SUPT3H: variants seen among roughly 807,000 people sequenced by gnomAD.
SUPT3H encodes transcription initiation protein SPT3 homolog.
Under a neutral mutation model 44.3 loss-of-function variants are expected in SUPT3H, and 44 were observed. The observed-to-expected ratio is 0.99, with a 90% CI of 0.78 to 1.28. SUPT3H has a LOEUF of 1.28. Among genes scored for constraint, SUPT3H ranks in the 50% most tolerant of loss-of-function variants. SUPT3H has a pLI of 0.00. For missense variants in SUPT3H, 380 were observed against 387.1 expected, an observed-to-expected ratio of 0.98 and a Z score of 0.15; for synonymous variants, 124 against 125.6, an observed-to-expected ratio of 0.99 and a Z score of 0.09.
intron 10 of SUPT3H, among the ~76,000 whole-genome samples, chr6:44,903,607 T>G (rs1348089934): frequency 6.6e-5 from 10 of 152,220 alleles, no homozygotes; most frequent in Admixed American, 1.3e-4. Context: ...GAGGTACAAG[T>G]AGGAGCTGCT....
intron 10 of SUPT3H, among the ~76,000 whole-genome samples, chr6:44,853,932 G>A (rs926507490): frequency 2.0e-5 from 3 of 151,416 alleles, no homozygotes; most frequent in Non-Finnish European, 4.4e-5. Context: ...TTGAGGGGGA[G>A]GTAAAGAGCT....
intron 2 of SUPT3H, among the ~76,000 whole-genome samples, chr6:45,249,866 A>G (rs567065876): frequency 2.0e-5 from 3 of 152,234 alleles, no homozygotes; most frequent in East Asian, 1.9e-4. Context: ...AGAAAAATCT[A>G]CATACCAATT....
chr6:45,151,026 T>C (rs1806890725), intron 2 of SUPT3H, among the ~76,000 whole-genome samples: 1 of 152,150 alleles, frequency 6.6e-6, no homozygotes, highest in African/African-American at 2.4e-5. Flanking sequence ...CAGCCATCTT[T>C]ATACTGCTTT....
chr6:45,277,689 G>A (rs975700849), intron 2 of SUPT3H, among the ~76,000 whole-genome samples: 3 of 152,196 alleles, frequency 2.0e-5, no homozygotes, highest in African/African-American at 4.8e-5. Flanking sequence ...TTACACACAC[G>A]CAATTCCAAA....
chr6:45,071,965 G>T (rs1172741190), intron 3 of SUPT3H, among the ~76,000 whole-genome samples: 1 of 152,150 alleles, frequency 6.6e-6, no homozygotes, highest in Non-Finnish European at 1.5e-5. Flanking sequence ...TCTCTACAGT[G>T]CCCTGTCATT....
Position 44,855,180 on chromosome 6 carries a change from C to T in SUPT3H, c.913-25323G>A, listed in dbSNP as rs79869194. 6.5e-3 allele frequency among the ~76,000 whole-genome samples: 986 copies of T among 152,246 alleles called. 12 individuals carry two copies. The highest frequency in any genetic ancestry group is 0.022 in the African/African-American group (931 of 41,528). ...ACTTTCTAGAGAGGGTCATATAATACCACACACTTAACTTTGCCCCTCTTC... is the reference window on the plus strand; with the variant it reads ...ACTTTCTAGAGAGGGTCATATAATATCACACACTTAACTTTGCCCCTCTTC... On this transcript the variant is annotated intron_variant, in intron 10 of 10. Coordinates refer to ENST00000371459, the MANE Select transcript of SUPT3H (RefSeq NM_003599.4).
At chr6:45,288,390 CA>C (rs1303532532) in intron 2 of SUPT3H, among the ~76,000 whole-genome samples, 1 of 151,538 alleles carries the variant, frequency 6.6e-6, no homozygotes, top group East Asian at 1.9e-4. Flanking sequence ...TTCTTTAACA[CA>C]AAAAAATCAC....
chr6:45,050,278 A>AGAGTGTGTGTGTGTGTGTGT (rs1554221019), intron 3 of SUPT3H, among the ~76,000 whole-genome samples: 3 of 147,318 alleles, frequency 2.0e-5, no homozygotes, highest in South Asian at 2.2e-4. Context: ...CTTTTTCTGC[A>AGAGTGTGTGTGTGTGTGTGT]GTGTGTGTGT....
At chr6:44,826,210 T>G (rs1173205802), downstream of SUPT3H, among the ~76,000 whole-genome samples, 1 of 152,206 alleles carries the variant, frequency 6.6e-6, no homozygotes, top group Non-Finnish European at 1.5e-5. Flanking sequence ...AAAGTTTTGT[T>G]GTTTAAGCTT....
At chr6:45,333,298 C>T (rs1471809966) in intron 2 of SUPT3H, among the ~76,000 whole-genome samples, 1 of 151,542 alleles carries the variant, frequency 6.6e-6, no homozygotes, top group Non-Finnish European at 1.5e-5. Context: ...TTTTTAACCA[C>T]AGTCAACCAC....
intron 10 of SUPT3H, among the ~76,000 whole-genome samples, chr6:44,923,119 T>C (rs1261440085): frequency 6.6e-6 from 1 of 152,142 alleles, no homozygotes; most frequent in Non-Finnish European, 1.5e-5. Context: ...GCACTCATGA[T>C]CAAATTCTTC....
Position 45,154,124 on chromosome 6 carries a change from T to G in SUPT3H, c.102-48118A>C, listed in dbSNP as rs141976142. 2.1e-4 allele frequency among the ~76,000 whole-genome samples: 25 copies of G among 120,968 alleles called. No individual in the cohort carries two copies. In the East Asian group the frequency reaches 5.5e-3, roughly 27 times the overall value. The allele number at this position is 120,968 out of a possible 152,430, so 79.4% of individuals were successfully genotyped here. On this transcript the variant is annotated intron_variant, in intron 2 of 10. Coordinates refer to ENST00000371459, the MANE Select transcript of SUPT3H (RefSeq NM_003599.4). ...CTCCTATGTTAGAACTAATTTCAAA[T>G]AAAGAAAATCCCAAAGGTCAATCAA...
rs574965418 is a variant in SUPT3H at position 45,323,929 on chromosome 6, T to C, written c.101+41272A>G. 2.1e-3 allele frequency among the ~76,000 whole-genome samples: 325 copies of C among 152,214 alleles called. 1 individual carries two copies. Among genetic ancestry groups the C allele is most frequent in the African/African-American group, 7.5e-3 (311 of 41,558 alleles). Reference sequence around the variant, plus strand: ...TTACTTTCACTTCTCCCTAGATACGTTAAATAGCATAGCTGGGATATTATT... The same window carrying C: ...TTACTTTCACTTCTCCCTAGATACGCTAAATAGCATAGCTGGGATATTATT... On this transcript the variant is annotated intron_variant, in intron 2 of 10. Coordinates refer to ENST00000371459, the MANE Select transcript of SUPT3H (RefSeq NM_003599.4).
chr6:44,825,766 A>G (rs1020501664), downstream of SUPT3H, among the ~76,000 whole-genome samples: 2 of 152,202 alleles, frequency 1.3e-5, no homozygotes, highest in Admixed American at 6.5e-5. Context: ...CTATATTTTG[A>G]TCATCTTGAG....
chr6:44,811,767 G>A (rs1457056654), intron 11 of SUPT3H, among the ~76,000 whole-genome samples: 4 of 152,196 alleles, frequency 2.6e-5, no homozygotes, highest in African/African-American at 7.2e-5. Context: ...TTATACAGAA[G>A]CATGGCTTCC....
intron 2 of SUPT3H, among the ~76,000 whole-genome samples, chr6:45,339,445 G>A (rs1262269460): frequency 6.6e-6 from 1 of 152,122 alleles, no homozygotes; most frequent in Non-Finnish European, 1.5e-5. Context: ...ATTCCAAATT[G>A]TGTCCCCAAT....
intron 2 of SUPT3H, among the ~76,000 whole-genome samples, chr6:45,306,223 A>G (rs1308934574): frequency 3.3e-5 from 5 of 152,204 alleles, no homozygotes; most frequent in South Asian, 2.1e-4. Flanking sequence ...AAGCAAGTCC[A>G]CAAGCCATAC....
chr6:45,056,147 T>C (rs2153539109), intron 3 of SUPT3H, among the ~76,000 whole-genome samples: 1 of 152,006 alleles, frequency 6.6e-6, no homozygotes, highest in Non-Finnish European at 1.5e-5. Context: ...CTTTACTCCT[T>C]CTAGAATGGC....
chr6:45,010,025 G>T (rs975026854), intron 5 of SUPT3H, among the ~76,000 whole-genome samples: 3 of 151,940 alleles, frequency 2.0e-5, no homozygotes, highest in Non-Finnish European at 4.4e-5. Context: ...ACAATATTTT[G>T]TAATTTTCAG....
Sources: allele counts gnomAD v4.1 joint callset (sites outside exome capture counted in the v4.1 genomes callset), GRCh38; gene constraint gnomAD v4.1.1; transcripts MANE v1.5; gene names NCBI Gene and HGNC (gene_info 2026-07-23, HGNC 2026-07-21).